Variants in KCNC4 observed in about 807,000 individuals in gnomAD.
KCNC4 encodes voltage-gated potassium channel KCNC4.
Under a neutral mutation model 42.8 loss-of-function variants are expected in KCNC4, and 23 were observed. The observed-to-expected ratio is 0.54, with a 90% CI of 0.39 to 0.76. KCNC4 has a LOEUF of 0.76. KCNC4 is among the 30% of genes least tolerant of loss of function. The probability of loss-of-function intolerance (pLI) is 0.00; values close to 1 mark genes in which losing one functional copy is unlikely to be tolerated. For missense variants in KCNC4, 751 were observed against 898.2 expected (o/e 0.84, Z 2.10); for synonymous variants, 422 against 393.5 (o/e 1.07, Z -0.86).
chr1:110,246,761 C>CTTTTT (rs1202421467), exon 4 of KCNC4: 1 of 71,478 alleles, frequency 1.4e-5, no homozygotes. Flanking sequence ...CTTTCTTTTT[C>CTTTTT]TTTTCTTTTT....
At chr1:110,254,606 G>A (rs914400721) in intron 1 of KCNC4, among the ~76,000 whole-genome samples, 2 of 152,166 alleles carry the variant, frequency 1.3e-5, no homozygotes. Context: ...TTCCTGCCCT[G>A]GGAAATGCAG....
chr1:110,223,725 C>T lies in KCNC4; in HGVS notation c.1440C>T (p.Ser480=). The change falls in exon 2 of 4, where the codon TCC becomes TCT. Residue 480 remains serine, a synonymous_variant. Transcript: ENST00000438661. This position sits in a 1 kb window ranked among gnomAD's most constrained non-coding sequence, Gnocchi z 7.5. Reference sequence around the variant, plus strand: ...TCAACAACTTCGGCATGTACTACTCCCTGGCCATGGCCAAGCAGAAGCTGC... The same window carrying T: ...TCAACAACTTCGGCATGTACTACTCTCTGGCCATGGCCAAGCAGAAGCTGC... ...VIVNNFGMYY[S]LAMAKQKLPK... 2 of 1,614,138 alleles carry T rather than the reference C, an allele frequency of 1.2e-6. No homozygotes were observed. Among genetic ancestry groups the T allele is most frequent in the Non-Finnish European group, 8.5e-7 (1 of 1,180,034 alleles).
Position 110,210,688 on chromosome 1 carries a change from C to G in KCNC4, c.-812C>G, listed in dbSNP as rs1343874517. On this transcript the variant is annotated 5_prime_UTR_variant, in exon 1 of 4. Coordinates refer to ENST00000438661, the MANE Select transcript of KCNC4 (RefSeq NM_001039574.3). Reference sequence around the variant, plus strand: ...GCCGCGCAGGACGCCCCGTCTGAGGCACCCCCGCCCCAGCGCGGCCCCCGC... The same window carrying G: ...GCCGCGCAGGACGCCCCGTCTGAGGGACCCCCGCCCCAGCGCGGCCCCCGC... Among the ~76,000 whole-genome samples the G allele has an allele frequency of 6.6e-6, 1 of 151,204 alleles. No homozygotes were observed. Among genetic ancestry groups the G allele is most frequent in the Non-Finnish European group, 1.5e-5 (1 of 67,726 alleles).
At chr1:110,278,988 G>A (rs1040771642) in intron 1 of KCNC4, among the ~76,000 whole-genome samples, 2 of 151,960 alleles carry the variant, frequency 1.3e-5, no homozygotes, top group African/African-American at 2.4e-5. Context: ...TAGGTCTGCC[G>A]GCTCTGAAGA....
chr1:110,254,090 CGG>C (rs11305916), downstream of KCNC4, among the ~76,000 whole-genome samples: 5 of 109,378 alleles, frequency 4.6e-5, 1 homozygote, highest in East Asian at 4.5e-4. Flanking sequence ...AGGCAGAAGT[CGG>C]GGGGGGGGCG....
chr1:110,210,769 G>C lies in KCNC4; in HGVS notation c.-731G>C, dbSNP rs1657392458. Among the ~76,000 whole-genome samples the C allele has an allele frequency of 6.6e-6, 1 of 151,650 alleles. No homozygotes were observed. The highest frequency in any genetic ancestry group is 1.5e-5 in the Non-Finnish European group (1 of 67,882). ...GCCGCGGACGCAGGACCCGAGGCTCGCTCCTGCGGGCGCGCTTGTTTTCCA... is the reference window on the plus strand; with the variant it reads ...GCCGCGGACGCAGGACCCGAGGCTCCCTCCTGCGGGCGCGCTTGTTTTCCA... On this transcript the variant is annotated 5_prime_UTR_variant, in exon 1 of 4. Transcript: ENST00000438661.
rs889016645 is a variant in KCNC4, at chr1:110,210,729, C to G, written c.-771C>G. ...CGGCCCCCGCAGCGCTGCGCCCGGT[C>G]CGGCGCAGCTCCCAGCCGCGGACGC... On this transcript the variant is annotated 5_prime_UTR_variant, in exon 1 of 4. Transcript: ENST00000438661. Among the ~76,000 whole-genome samples the G allele has an allele frequency of 4.6e-5, 7 of 151,486 alleles. No homozygotes were observed. The East Asian group carries it at 7.8e-4, about 17-fold the overall frequency.
In KCNC4 at chr1:110,212,120, C is replaced by A; in HGVS notation, c.621C>A (p.Gly207=). The part of the protein sequence containing the change: ...GHGAGSGGCR[G]WQPRMWALFE... ...GCGCCGGGTCTGGGGGCTGCCGCGG[C>A]TGGCAGCCCCGCATGTGGGCGCTCT... The change falls in exon 1 of 4, where the codon GGC becomes GGA. Residue 207 remains glycine, a synonymous_variant. Transcript: ENST00000438661. 1 of 1,501,598 alleles carries A rather than the reference C, an allele frequency of 6.7e-7. No homozygotes were observed. The highest frequency in any genetic ancestry group is 1.3e-5 in the South Asian group (1 of 76,852). 93.0% of individuals were successfully genotyped at this position (1,501,598 alleles called of 1,614,324 possible).
intron 1 of KCNC4, chr1:110,219,607 G>A (rs1413220804): frequency 6.6e-6 from 1 of 152,202 alleles, no homozygotes; most frequent in Non-Finnish European, 1.5e-5. Context: ...GTCCAGTGGG[G>A]AATGAATAGA....
intron 1 of KCNC4, among the ~76,000 whole-genome samples, chr1:110,259,748 T>C (rs1164227992): frequency 6.6e-6 from 1 of 152,190 alleles, no homozygotes; most frequent in Non-Finnish European, 1.5e-5. Context: ...CTTGACAACA[T>C]CTCTGGACTA....
At chr1:110,269,098 C>CCCAT (rs1259101171) in intron 1 of KCNC4, among the ~76,000 whole-genome samples, 3 of 152,292 alleles carry the variant, frequency 2.0e-5, no homozygotes, top group Non-Finnish European at 4.4e-5. Context: ...GCAAGAAGAA[C>CCCAT]CCATCAGTCT....
chr1:110,228,256 G>T (rs371882908), intron 3 of KCNC4, among the ~76,000 whole-genome samples: 1 of 152,186 alleles, frequency 6.6e-6, no homozygotes, highest in Non-Finnish European at 1.5e-5. Context: ...GCTTCTTAGA[G>T]TCAAGAAGGC....
At position 110,211,045 on chromosome 1, in the gene KCNC4, C is replaced by T. The variant is rs1165437174; in HGVS notation, c.-455C>T. On this transcript the variant is annotated 5_prime_UTR_variant, in exon 1 of 4. Coordinates refer to ENST00000438661, the MANE Select transcript of KCNC4 (RefSeq NM_001039574.3). The surrounding 1 kb of genome is among the most constrained non-coding windows in gnomAD (Gnocchi z 6.5). ...GCTGCCGCCGCTGCGGGGAAGCCGGCTATTCCGGGGCTTGGTGCGGTCTTG... is the reference window on the plus strand; with the variant it reads ...GCTGCCGCCGCTGCGGGGAAGCCGGTTATTCCGGGGCTTGGTGCGGTCTTG... 6.6e-6 allele frequency among the ~76,000 whole-genome samples: 1 copy of T among 152,260 alleles called. No individual in the cohort carries two copies. Among genetic ancestry groups the T allele is most frequent in the Non-Finnish European group, 1.5e-5 (1 of 68,048 alleles).
chr1:110,272,983 G>T (rs1411079602), intron 1 of KCNC4, among the ~76,000 whole-genome samples: 1 of 152,242 alleles, frequency 6.6e-6, no homozygotes, highest in African/African-American at 2.4e-5. Context: ...TAGTCCTGGA[G>T]TTGGTTGTGG....
exon 4 of KCNC4, chr1:110,244,885 G>A (rs952458209): frequency 3.3e-5 from 5 of 152,218 alleles, no homozygotes; most frequent in African/African-American, 7.2e-5. Context: ...TCAGTTCCCC[G>A]TTTGCAAAAT....
At chr1:110,241,057 T>C (rs1388989635) in exon 4 of KCNC4, 1 of 152,320 alleles carries the variant, frequency 6.6e-6, no homozygotes, top group African/African-American at 2.4e-5. Flanking sequence ...GGGCGGGATG[T>C]TGAGGGCAGC....
chr1:110,233,471 C>A lies in KCNC4; in HGVS notation c.*499C>A. On this transcript the variant is annotated 3_prime_UTR_variant, in exon 4 of 4. Transcript: ENST00000438661. ...GAAGTCTATTGAAGGCCAGACTGCC[C>A]CCTAGGGTCACTGCTTCACTAGCCG... The A allele has an allele frequency of 5.7e-6, 1 of 174,152 alleles. No individual in the cohort carries two copies. 10.8% of individuals were successfully genotyped at this position (174,152 alleles called of 1,614,324 possible).
chr1:110,281,185 T>C (rs1399336712), intron 1 of KCNC4, among the ~76,000 whole-genome samples: 2 of 152,040 alleles, frequency 1.3e-5, no homozygotes, highest in East Asian at 3.9e-4. Flanking sequence ...AAGCAATCAT[T>C]TTAAGGTGCT....
At chr1:110,277,360 C>T (rs1659743811) in intron 1 of KCNC4, among the ~76,000 whole-genome samples, 1 of 152,328 alleles carries the variant, frequency 6.6e-6, no homozygotes, top group African/African-American at 2.4e-5. Flanking sequence ...AACAAATTAG[C>T]ATTGGGAAGT....
Sources: allele counts gnomAD v4.1 joint callset (sites outside exome capture counted in the v4.1 genomes callset), GRCh38; gene constraint gnomAD v4.1.1; non-coding constraint Gnocchi (gnomAD v3.1); transcripts MANE v1.5; gene names NCBI Gene and HGNC (gene_info 2026-07-23, HGNC 2026-07-21).